Variants in IQGAP3 observed in about 807,000 individuals in gnomAD.
The protein encoded by IQGAP3 is ras GTPase-activating-like protein IQGAP3.
Under a neutral mutation model 208.2 loss-of-function variants are expected in IQGAP3, and 165 were observed. That is an observed-to-expected ratio of 0.79 (90% CI 0.70 to 0.90). The LOEUF (loss-of-function observed/expected upper bound fraction) is 0.90, where lower values mean the gene tolerates loss of function less well. IQGAP3 is among the 40% of genes least tolerant of loss of function. IQGAP3 has a pLI of 0.00. For missense variants in IQGAP3, 1,811 were observed against 2,043.1 expected (o/e 0.89, Z 2.19); for synonymous variants, 703 against 803.6 (o/e 0.87, Z 2.12).
At chr1:156,539,744 C>A in intron 24 of IQGAP3, 94 bp downstream of exon 24, 1 of 1,441,930 alleles carries the variant, frequency 6.9e-7, no homozygotes, top group Non-Finnish European at 9.7e-7. Flanking sequence ...GAAAGGACAC[C>A]TTGCATGGTG....
chr1:156,552,130 C>A, intron 13 of IQGAP3, 35 bp from the exon 14 acceptor site: 1 of 1,603,494 alleles, frequency 6.2e-7, no homozygotes, highest in Non-Finnish European at 8.5e-7. Flanking sequence ...AGGTGAGTAG[C>A]ATGTGAATCA....
chr1:156,525,738 A>AAAAAG lies in IQGAP3; in HGVS notation c.*747_*748insCTTTT, dbSNP rs1674016284. 4 of 142,010 alleles carry AAAAAG rather than the reference A, an allele frequency of 2.8e-5. No homozygotes were observed. The highest frequency in any genetic ancestry group is 2.7e-4 in the Admixed American group (4 of 14,620). The allele number at this position is 142,010 out of a possible 1,614,324, so 8.8% of individuals were successfully genotyped here. On this transcript the variant is annotated 3_prime_UTR_variant, in exon 38 of 38. Coordinates refer to ENST00000361170, the MANE Select transcript of IQGAP3 (RefSeq NM_178229.5). ...GAACTCTCTTTGAGCTCAAAAAAAA[A>AAAAAG]AAAAAAAAAAAAAAAATGAAAGCGT...
intron 16 of IQGAP3, among the ~76,000 whole-genome samples, chr1:156,549,232 G>A (rs569935552): frequency 2.6e-5 from 4 of 152,140 alleles, no homozygotes; most frequent in Non-Finnish European, 4.4e-5. Flanking sequence ...AGGCTTAGGC[G>A]GGCAGATCAC....
In IQGAP3 at chr1:156,560,927, G is replaced by C. The variant is rs751215485; in HGVS notation, c.1129+7C>G. The C allele has an allele frequency of 6.2e-7, 1 of 1,604,530 alleles. No homozygotes were observed. The highest frequency in any genetic ancestry group is 1.1e-5 in the South Asian group (1 of 90,826). On this transcript the variant is annotated splice_region_variant and intron_variant, in intron 11 of 37. Transcript: ENST00000361170. ...CAGAGCAGGCCTCAGACCTGCAGAT[G>C]ACTTACTGGCTTGTTCCTGATCACC...
intron 22 of IQGAP3, among the ~76,000 whole-genome samples, chr1:156,541,497 G>A (rs1194983517): frequency 1.3e-5 from 2 of 152,120 alleles, no homozygotes; most frequent in Non-Finnish European, 2.9e-5. Context: ...AAAGAAAGAA[G>A]CCTCTGAGCT....
In IQGAP3 at chr1:156,544,062, A is replaced by G. The variant is rs755584505; in HGVS notation, c.2461-12T>C. 6.2e-7 allele frequency: 1 copy of G among 1,614,068 alleles called. No homozygotes were observed. Among genetic ancestry groups the G allele is most frequent in the Non-Finnish European group, 8.5e-7 (1 of 1,179,940 alleles). On this transcript the variant is annotated splice_polypyrimidine_tract_variant and intron_variant, in intron 21 of 37. Coordinates refer to ENST00000361170, the MANE Select transcript of IQGAP3 (RefSeq NM_178229.5). ...ACAATGGAGTTAACCTGCCACAAAC[A>G]CAGATTGGAAAAGGGTTGCTGGCTG...
intron 16 of IQGAP3, among the ~76,000 whole-genome samples, chr1:156,549,964 G>C (rs1448108264): frequency 6.6e-6 from 1 of 152,202 alleles, no homozygotes; most frequent in Non-Finnish European, 1.5e-5. Context: ...TGGGATTTCT[G>C]ACTACCGCAT....
In IQGAP3 at chr1:156,529,021, G is replaced by A. The variant is rs1478382549; in HGVS notation, c.4466C>T (p.Ala1489Val). 2 of 1,614,214 alleles carry A rather than the reference G, an allele frequency of 1.2e-6. No homozygotes were observed. Among genetic ancestry groups the A allele is most frequent in the Non-Finnish European group, 1.7e-6 (2 of 1,180,040 alleles). The change falls in exon 35 of 38, where the codon GCC becomes GTC. Residue 1489 changes from alanine to valine, a missense_variant. Ala to Val is a moderately conservative substitution (Grantham distance 64, BLOSUM62 0). Transcript: ENST00000361170. ...RRKAELVKLQ[A>V]TLQGLSTKTT... ...CTTAGTGCTCAGGCCCTGTAATGTG[G>A]CCTGCAGCTTCACCAGCTCTGCCTT...
At chr1:156,549,925 G>C (rs943360206) in intron 16 of IQGAP3, among the ~76,000 whole-genome samples, 3 of 152,136 alleles carry the variant, frequency 2.0e-5, no homozygotes, top group Non-Finnish European at 2.9e-5. Flanking sequence ...ATTGACTGTT[G>C]GAACCCAAAC....
At chr1:156,564,588 T>C (rs765835820) in intron 5 of IQGAP3, 27 bp downstream of exon 5, 4 of 1,511,598 alleles carry the variant, frequency 2.6e-6, no homozygotes, top group Non-Finnish European at 3.7e-6. Flanking sequence ...TAGAGGAACC[T>C]GGATGATAAA....
At chr1:156,565,781 A>G (rs1676374536) in intron 4 of IQGAP3, among the ~76,000 whole-genome samples, 1 of 152,232 alleles carries the variant, frequency 6.6e-6, no homozygotes, top group South Asian at 2.1e-4. Flanking sequence ...CACCCCCTGC[A>G]TAATGGGAAC....
chr1:156,572,412 GC>G, intron 1 of IQGAP3, 80 bp downstream of exon 1: 1 of 1,435,736 alleles, frequency 7.0e-7, no homozygotes, highest in Admixed American at 1.7e-5. Context: ...CCCGACACAC[GC>G]CCCAATCTCT....
At position 156,570,801 on chromosome 1, in the gene IQGAP3, C is replaced by T. The variant is rs561374712; in HGVS notation, c.38-1338G>A. Among the ~76,000 whole-genome samples, 6 of 152,314 alleles carry T rather than the reference C, an allele frequency of 3.9e-5. No individual in the cohort carries two copies. The East Asian group carries it at 7.7e-4, about 20-fold the overall frequency. ...CTGGGATTACAGGCGTGAACCACAGCGCCCAAAGATTATTATCAGAAGAGA... is the reference window on the plus strand; with the variant it reads ...CTGGGATTACAGGCGTGAACCACAGTGCCCAAAGATTATTATCAGAAGAGA... On this transcript the variant is annotated intron_variant, in intron 1 of 37. Transcript: ENST00000361170.
chr1:156,541,644 ACT>A (rs1279473308), intron 22 of IQGAP3, among the ~76,000 whole-genome samples: 2 of 152,128 alleles, frequency 1.3e-5, no homozygotes, highest in African/African-American at 4.8e-5. Context: ...ACCGATAATA[ACT>A]CTGAGACTCA....
At chr1:156,541,164 G>T (rs1380389349) in intron 22 of IQGAP3, among the ~76,000 whole-genome samples, 1 of 151,968 alleles carries the variant, frequency 6.6e-6, no homozygotes. Flanking sequence ...CCATGCCTCT[G>T]ATTCACCCCA....
At chr1:156,564,789 G>C in intron 4 of IQGAP3, 98 bp from the exon 5 acceptor site, 1 of 829,974 alleles carries the variant, frequency 1.2e-6, no homozygotes, top group Non-Finnish European at 2.1e-6. Flanking sequence ...TCTCCAACCT[G>C]AGGTGTGTGT....
At chr1:156,567,601 T>A (rs1676466081) in intron 2 of IQGAP3, among the ~76,000 whole-genome samples, 1 of 152,206 alleles carries the variant, frequency 6.6e-6, no homozygotes, top group Non-Finnish European at 1.5e-5. Context: ...CTTCCCTACA[T>A]ATTGGGGTCT....
rs1419885884 is a variant in IQGAP3 at position 156,530,101 on chromosome 1, T to C, written c.4404+4A>G. 6.3e-7 allele frequency: 1 copy of C among 1,590,372 alleles called. No homozygotes were observed. On this transcript the variant is annotated splice_donor_region_variant and intron_variant, in intron 34 of 37. Coordinates refer to ENST00000361170, the MANE Select transcript of IQGAP3 (RefSeq NM_178229.5). ...GCACACGGAGCCCAGGCCCAGGTTG[T>C]TACCTTGGCCAGCTCGTCCACTAGC...
chr1:156,549,950 G>A (rs1675465291), intron 16 of IQGAP3, among the ~76,000 whole-genome samples: 1 of 152,200 alleles, frequency 6.6e-6, no homozygotes, highest in Non-Finnish European at 1.5e-5. Flanking sequence ...GCTACCAGCA[G>A]AAATGGGATT....
Sources: gnomAD v4.1 joint callset for allele counts (sites outside exome capture counted in the v4.1 genomes callset) on GRCh38, gnomAD v4.1.1 for gene constraint, MANE v1.5 for transcripts, NCBI Gene and HGNC (gene_info 2026-07-23, HGNC 2026-07-21) for gene names.